The following HPSE2 variants were observed in gnomAD, a reference collection of about 807,000 sequenced individuals.
HPSE2 encodes heparanase 2 (inactive).
HPSE2 carries 38 observed loss-of-function variants against 60.5 expected under a neutral mutation model. The observed-to-expected ratio is 0.63, with a 90% CI of 0.48 to 0.82. The LOEUF (loss-of-function observed/expected upper bound fraction) is 0.82. Ranked by LOEUF, HPSE2 falls within the 40% of genes least tolerant of loss-of-function variation. The pLI is 0.00. For missense variants in HPSE2, 713 were observed against 740.4 expected (o/e 0.96, Z 0.43); for synonymous variants, 295 against 293.2 (o/e 1.01, Z -0.06).
intron 3 of HPSE2, among the ~76,000 whole-genome samples, chr10:98,969,329 C>T (rs562029042): frequency 1.3e-5 from 2 of 152,260 alleles, no homozygotes; most frequent in East Asian, 3.9e-4. Flanking sequence ...CTATACTAAT[C>T]TTTCCTTTTT....
chr10:99,012,919 A>G (rs760626105), intron 3 of HPSE2, among the ~76,000 whole-genome samples: 2 of 152,224 alleles, frequency 1.3e-5, no homozygotes, highest in Non-Finnish European at 2.9e-5. Flanking sequence ...AACTAATGAG[A>G]AAGCAGATTG....
chr10:99,190,093 G>T (rs1848168185), intron 2 of HPSE2, among the ~76,000 whole-genome samples: 1 of 152,208 alleles, frequency 6.6e-6, no homozygotes, highest in Admixed American at 6.5e-5. Context: ...GGGCAACCAT[G>T]TAGTGACTTA....
intron 10 of HPSE2, among the ~76,000 whole-genome samples, chr10:98,489,534 G>T (rs1485753472): frequency 6.6e-6 from 1 of 152,158 alleles, no homozygotes; most frequent in African/African-American, 2.4e-5. Context: ...CTCTAAAGCT[G>T]GCATGACCAT....
intron 3 of HPSE2, among the ~76,000 whole-genome samples, chr10:99,024,153 A>T (rs971119802): frequency 6.6e-6 from 1 of 152,228 alleles, no homozygotes; most frequent in Non-Finnish European, 1.5e-5. Flanking sequence ...GATTGAAATA[A>T]TTAAAAACAA....
At chr10:98,650,228 G>C (rs1381015856) in intron 6 of HPSE2, among the ~76,000 whole-genome samples, 1 of 152,178 alleles carries the variant, frequency 6.6e-6, no homozygotes, top group Non-Finnish European at 1.5e-5. Flanking sequence ...CTGAGGAAAA[G>C]CCACAAAATG....
chr10:98,869,548 T>C (rs1952678932), intron 3 of HPSE2, among the ~76,000 whole-genome samples: 1 of 152,172 alleles, frequency 6.6e-6, no homozygotes, highest in African/African-American at 2.4e-5. Flanking sequence ...AATTAAGAAT[T>C]GGTTTTTACT....
chr10:98,609,238 C>T (rs1945680344), intron 9 of HPSE2, among the ~76,000 whole-genome samples: 1 of 152,168 alleles, frequency 6.6e-6, no homozygotes, highest in South Asian at 2.1e-4. Flanking sequence ...CTGTTACAGT[C>T]CCTGCTAACT....
intron 6 of HPSE2, among the ~76,000 whole-genome samples, chr10:98,646,601 C>A (rs1037187757): frequency 6.6e-6 from 1 of 152,108 alleles, no homozygotes; most frequent in African/African-American, 2.4e-5. Context: ...TCATTCCTAC[C>A]TCTAGATTGG....
At chr10:99,076,199 T>C (rs893532375) in intron 3 of HPSE2, among the ~76,000 whole-genome samples, 1 of 152,102 alleles carries the variant, frequency 6.6e-6, no homozygotes. Context: ...TTTTTTTCTT[T>C]TGTGTATCTT....
chr10:98,994,016 G>A (rs1956588100), intron 3 of HPSE2, among the ~76,000 whole-genome samples: 1 of 152,164 alleles, frequency 6.6e-6, no homozygotes, highest in East Asian at 1.9e-4. Context: ...TAGCCACACT[G>A]AAGTTCACTA....
chr10:99,043,670 A>C (rs970549010), intron 3 of HPSE2, among the ~76,000 whole-genome samples: 1 of 152,202 alleles, frequency 6.6e-6, no homozygotes, highest in Non-Finnish European at 1.5e-5. Context: ...TTTAACAAAG[A>C]ACCAAACTGA....
intron 9 of HPSE2, among the ~76,000 whole-genome samples, chr10:98,603,126 G>C (rs2133947262): frequency 6.6e-6 from 1 of 152,236 alleles, no homozygotes; most frequent in African/African-American, 2.4e-5. Context: ...GGATCCATTA[G>C]AGAGGTGAGG....
intron 3 of HPSE2, among the ~76,000 whole-genome samples, chr10:98,989,831 C>G (rs1956479887): frequency 6.6e-6 from 1 of 152,008 alleles, no homozygotes; most frequent in African/African-American, 2.4e-5. Flanking sequence ...TTAAGTAGGA[C>G]TCTTGGTATT....
Position 98,936,182 on chromosome 10 carries a change from C to T in HPSE2, c.611-192126G>A, listed in dbSNP as rs1303426918. ...GGAATTCGATCCCCCCAGGCAGACT[C>T]CAGACTTCTGTACTTGCAATGGGAA... On this transcript the variant is annotated intron_variant, in intron 3 of 11. Transcript: ENST00000370552. Among the ~76,000 whole-genome samples, 2 of 144,404 alleles carry T rather than the reference C, an allele frequency of 1.4e-5. 1 individual carries two copies. The highest frequency in any genetic ancestry group is 5.6e-5 in the African/African-American group (2 of 35,688). The allele number at this position is 144,404 out of a possible 152,430, so 94.7% of individuals were successfully genotyped here.
chr10:99,021,051 A>C (rs1228655152), intron 3 of HPSE2, among the ~76,000 whole-genome samples: 1 of 152,210 alleles, frequency 6.6e-6, no homozygotes, highest in Admixed American at 6.5e-5. Context: ...CTTGGAAGAC[A>C]CAGCAGTAAA....
At chr10:99,065,016 C>A (rs1026427907) in intron 3 of HPSE2, among the ~76,000 whole-genome samples, 1 of 152,148 alleles carries the variant, frequency 6.6e-6, no homozygotes, top group Non-Finnish European at 1.5e-5. Flanking sequence ...GAACATGAAG[C>A]TTTCCGTGAC....
chr10:98,961,003 G>C (rs1432965722), intron 3 of HPSE2, among the ~76,000 whole-genome samples: 1 of 71,070 alleles, frequency 1.4e-5, no homozygotes, highest in Non-Finnish European at 2.6e-5. Flanking sequence ...TTGGTTTTTT[G>C]TTCTTGCGAT....
intron 6 of HPSE2, among the ~76,000 whole-genome samples, chr10:98,647,932 C>T (rs1946815942): frequency 6.6e-6 from 1 of 152,166 alleles, no homozygotes; most frequent in African/African-American, 2.4e-5. Context: ...ATCATCTAAC[C>T]TACTAAAGGG....
chr10:99,090,750 T>C (rs1266390104), intron 3 of HPSE2, among the ~76,000 whole-genome samples: 1 of 152,096 alleles, frequency 6.6e-6, no homozygotes, highest in Non-Finnish European at 1.5e-5. Context: ...TGTACCTCAA[T>C]TTTTTCAATT....
Sources: gnomAD v4.1 joint callset for allele counts (sites outside exome capture counted in the v4.1 genomes callset) on GRCh38, gnomAD v4.1.1 for gene constraint, MANE v1.5 for transcripts, NCBI Gene and HGNC (gene_info 2026-07-23, HGNC 2026-07-21) for gene names.